Variants in TTK observed in about 807,000 individuals in gnomAD.
TTK encodes the protein TTK protein kinase.
A neutral mutation model predicts 117.3 loss-of-function variants in TTK; 59 were observed. The ratio of observed to expected loss-of-function variants is 0.50; its 90% CI spans 0.41 to 0.62. TTK has a LOEUF of 0.62. Among genes scored for constraint, TTK ranks in the 20% least tolerant of loss-of-function variants. TTK has a pLI of 0.00. For synonymous variants in TTK, 302 were observed against 325.0 expected, an observed-to-expected ratio of 0.93 and a Z score of 0.76; for missense variants, 921 against 989.4, an observed-to-expected ratio of 0.93 and a Z score of 0.93.
chr6:80,006,597 A>G (rs1767001073), intron 2 of TTK, among the ~76,000 whole-genome samples: 1 of 152,170 alleles, frequency 6.6e-6, no homozygotes, highest in Non-Finnish European at 1.5e-5. Context: ...GAATTTATAT[A>G]TTCACTATGC....
intron 10 of TTK, among the ~76,000 whole-genome samples, chr6:80,020,315 TTTTTTTCCCC>T (rs1208649989): frequency 6.6e-6 from 1 of 152,150 alleles, no homozygotes; most frequent in South Asian, 2.1e-4. Flanking sequence ...TCTTTTATCC[TTTTTTTCCCC>T]TTTTTTCTTC....
At chr6:80,009,250 T>G (rs1367622766) in intron 4 of TTK, among the ~76,000 whole-genome samples, 1 of 152,070 alleles carries the variant, frequency 6.6e-6, no homozygotes, top group East Asian at 1.9e-4. Context: ...TTAACACTAT[T>G]GGAAGAATCC....
chr6:80,023,331 C>T (rs151657), intron 11 of TTK, among the ~76,000 whole-genome samples: 83,467 of 152,162 alleles, frequency 0.55, 23,189 homozygotes, highest in Admixed American at 0.66. Flanking sequence ...CGATGGCTCA[C>T]GCCTGTAATC....
At chr6:80,017,124 T>G (rs915650271) in intron 10 of TTK, among the ~76,000 whole-genome samples, 1 of 152,246 alleles carries the variant, frequency 6.6e-6, no homozygotes, top group Non-Finnish European at 1.5e-5. Context: ...TAAGATCAAG[T>G]GTCAGGGTTC....
chr6:80,007,040 T>G (rs1490264021), intron 2 of TTK, among the ~76,000 whole-genome samples: 3 of 152,140 alleles, frequency 2.0e-5, no homozygotes, highest in Non-Finnish European at 4.4e-5. Flanking sequence ...TTTAAAAAAC[T>G]AACACTGAAG....
rs747754489 is a variant in TTK, at chr6:80,014,572, T to C, written c.1094T>C (p.Leu365Pro). 8 of 1,596,244 alleles carry C rather than the reference T, an allele frequency of 5.0e-6. No individual in the cohort carries two copies. The highest frequency in any genetic ancestry group is 6.0e-6 in the Non-Finnish European group (7 of 1,172,342). ...TLKNKTESSL[L>P]AKLEETKEYQ... is the part of the protein sequence containing the mutation. ...AAGAATAAAACGGAATCAAGTCTTC[T>C]AGCTAAATTAGAAGGTAAGAGTAAC... Residue 365 changes from leucine to proline, a missense_variant, in exon 10 of 22, where the codon CTA becomes CCA. By Grantham distance (98) the Leu-to-Pro change is moderately conservative. Coordinates refer to ENST00000369798, the MANE Select transcript of TTK (RefSeq NM_003318.5).
rs1031283384 is a variant in TTK at position 80,011,367 on chromosome 6, G to C, written c.614-67G>C. 14 of 1,098,800 alleles carry C rather than the reference G, an allele frequency of 1.3e-5. No homozygotes were observed. The African/African-American group carries it at 2.3e-4, about 18-fold the overall frequency. The allele number at this position is 1,098,800 out of a possible 1,614,324, so 68.1% of individuals were successfully genotyped here. ...ATTGACTTTTAAAATATTCTTATTT[G>C]TAAGATCACTTTTTTGTACTTGTCT... On this transcript the variant is annotated intron_variant, in intron 5 of 21. Coordinates refer to ENST00000369798, the MANE Select transcript of TTK (RefSeq NM_003318.5).
At position 80,010,909 on chromosome 6, in the gene TTK, C is replaced by A; in HGVS notation, c.565C>A (p.Leu189Ile). Reference sequence around the variant, plus strand: ...GGAAATTGCCCTGCGGAATTTAAACCTCCAAAAAAAGCAGCTGCTTTCAGA... The same window carrying A: ...GGAAATTGCCCTGCGGAATTTAAACATCCAAAAAAAGCAGCTGCTTTCAGA... ...MLEIALRNLNLQKKQLLSEEE... is the reference protein window; with the variant it reads ...MLEIALRNLNIQKKQLLSEEE... Residue 189 changes from leucine to isoleucine, a missense_variant, in exon 5 of 22, where the codon CTC becomes ATC. By Grantham distance (5) the Leu-to-Ile change is conservative. Coordinates refer to ENST00000369798, the MANE Select transcript of TTK (RefSeq NM_003318.5). 4 of 1,611,792 alleles carry A rather than the reference C, an allele frequency of 2.5e-6. No homozygotes were observed. Among genetic ancestry groups the A allele is most frequent in the Non-Finnish European group, 3.4e-6 (4 of 1,178,468 alleles).
chr6:80,010,886 A>G lies in TTK; in HGVS notation c.542A>G (p.Glu181Gly). Residue 181 changes from glutamate (E) to glycine (G), a missense_variant, in exon 5 of 22, where the codon GAA becomes GGA. Physicochemically the swap from Glu to Gly is moderately conservative, Grantham distance 98. Coordinates refer to ENST00000369798, the MANE Select transcript of TTK (RefSeq NM_003318.5). ...GGAGCAGTACCACTAGAAATGCTGG[A>G]AATTGCCCTGCGGAATTTAAACCTC... is the stretch of plus-strand genomic sequence containing the variant. ...ERGAVPLEML[E>G]IALRNLNLQK... 6.2e-7 allele frequency: 1 copy of G among 1,612,572 alleles called. No individual in the cohort carries two copies. The highest frequency in any genetic ancestry group is 1.7e-4 in the Middle Eastern group (1 of 6,048).
At chr6:80,006,587 G>C (rs1767000564) in intron 2 of TTK, among the ~76,000 whole-genome samples, 1 of 152,114 alleles carries the variant, frequency 6.6e-6, no homozygotes, top group Non-Finnish European at 1.5e-5. Flanking sequence ...TTCTAGATGA[G>C]AATTTATATA....
At chr6:80,034,872 A>G in intron 14 of TTK, 113 bp from the exon 15 acceptor site, 1 of 915,288 alleles carries the variant, frequency 1.1e-6, no homozygotes, top group Non-Finnish European at 1.5e-6. Flanking sequence ...TTTAATGTTC[A>G]TGTCAGTATT....
intron 14 of TTK, among the ~76,000 whole-genome samples, chr6:80,034,391 A>T (rs1197212601): frequency 6.6e-6 from 1 of 152,216 alleles, no homozygotes; most frequent in African/African-American, 2.4e-5. Context: ...AGTGGGGGCA[A>T]TAATAAACTC....
intron 12 of TTK, among the ~76,000 whole-genome samples, chr6:80,027,198 C>T (rs944169486): frequency 3.9e-5 from 6 of 152,094 alleles, no homozygotes; most frequent in South Asian, 2.1e-4. Context: ...ATAATGTAAT[C>T]CTTGATCTTA....
intron 11 of TTK, among the ~76,000 whole-genome samples, chr6:80,024,310 A>T (rs1301471692): frequency 1.3e-5 from 2 of 152,256 alleles, no homozygotes; most frequent in Non-Finnish European, 2.9e-5. Flanking sequence ...GTACATAAAT[A>T]TTCATAGCAG....
At chr6:80,011,247 T>C (rs369914839) in intron 5 of TTK, among the ~76,000 whole-genome samples, 187 bp from the exon 6 acceptor site, 5 of 152,030 alleles carry the variant, frequency 3.3e-5, no homozygotes, top group East Asian at 1.9e-4. Context: ...GAAATAGTTA[T>C]ATAATTTAAG....
At chr6:80,016,598 G>A (rs1562014783) in intron 10 of TTK, among the ~76,000 whole-genome samples, 1 of 151,916 alleles carries the variant, frequency 6.6e-6, no homozygotes, top group Non-Finnish European at 1.5e-5. Context: ...TTTTTAAGAG[G>A]TATTTATATG....
intron 2 of TTK, 106 bp from the exon 3 acceptor site, chr6:80,007,703 C>T: frequency 1.2e-6 from 1 of 845,460 alleles, no homozygotes; most frequent in Non-Finnish European, 1.8e-6. Context: ...ACTTTATGTA[C>T]ATTGATACTG....
chr6:80,006,084 A>G (rs766158544), intron 2 of TTK, 102 bp downstream of exon 2: 19 of 1,447,938 alleles, frequency 1.3e-5, no homozygotes, highest in Middle Eastern at 3.5e-4. Flanking sequence ...TCATGTGTTT[A>G]TTGTCTTTCT....
intron 4 of TTK, among the ~76,000 whole-genome samples, chr6:80,009,787 G>A (rs908511070): frequency 2.0e-5 from 3 of 151,980 alleles, no homozygotes; most frequent in African/African-American, 7.2e-5. Flanking sequence ...AAATAATGCA[G>A]CATCCCTGAA....
Sources: allele counts gnomAD v4.1 joint callset (sites outside exome capture counted in the v4.1 genomes callset), GRCh38; gene constraint gnomAD v4.1.1; transcripts MANE v1.5; gene names NCBI Gene and HGNC (gene_info 2026-07-23, HGNC 2026-07-21).